GALNT13: variants seen among roughly 807,000 people sequenced by gnomAD.
The protein encoded by GALNT13 is polypeptide N-acetylgalactosaminyltransferase 13, also known as UDP-GalNAc:polypeptide N-acetylgalactosaminyltransferase 13.
In GALNT13, 28 loss-of-function variants were observed where a neutral mutation model predicts 64.2. The ratio of observed to expected loss-of-function variants is 0.44; its 90% CI spans 0.32 to 0.60. The LOEUF is 0.60. GALNT13 is among the 20% of genes least tolerant of loss of function. The pLI, the probability that GALNT13 is intolerant of heterozygous loss-of-function variation, is 0.05. For missense variants in GALNT13, 577 were observed against 669.8 expected (o/e 0.86, Z 1.53); for synonymous variants, 214 against 224.6 (o/e 0.95, Z 0.42).
At chr2:153,336,824 G>C in the GALNT13 span, among the ~76,000 whole-genome samples, 6,688 of 152,218 alleles carry the variant, frequency 0.044, 206 homozygotes, top group Middle Eastern at 0.071. Flanking sequence ...CCAAATCTCA[G>C]CTTGAATTGT....
intron 3 of GALNT13, among the ~76,000 whole-genome samples, chr2:154,112,229 A>G (rs1455747010): frequency 6.6e-6 from 1 of 152,178 alleles, no homozygotes. Context: ...CTCAGCAGTC[A>G]CTGTAGCTAG....
At chr2:154,064,706 G>A (rs561252671) in intron 3 of GALNT13, among the ~76,000 whole-genome samples, 1 of 152,176 alleles carries the variant, frequency 6.6e-6, no homozygotes, top group East Asian at 1.9e-4. Context: ...AAGAACCGTG[G>A]GACCCTGAAA....
At chr2:153,535,216 G>T in the GALNT13 span, among the ~76,000 whole-genome samples, 1 of 152,230 alleles carries the variant, frequency 6.6e-6, no homozygotes, top group Admixed American at 6.5e-5. Flanking sequence ...ATACGGTTTT[G>T]TATGAATTGA....
chr2:154,250,352 C>T (rs1690004764), intron 7 of GALNT13, among the ~76,000 whole-genome samples: 2 of 152,056 alleles, frequency 1.3e-5, no homozygotes, highest in Admixed American at 6.5e-5. Flanking sequence ...TTTGATATAT[C>T]ATCAATATTT....
the GALNT13 span, among the ~76,000 whole-genome samples, chr2:153,667,932 A>C: frequency 6.6e-6 from 1 of 152,168 alleles, no homozygotes; most frequent in African/African-American, 2.4e-5. Context: ...AGAAAAATCT[A>C]CCAAGAAAAA....
the GALNT13 span, among the ~76,000 whole-genome samples, chr2:153,169,432 G>T: frequency 6.6e-6 from 1 of 152,178 alleles, no homozygotes; most frequent in Non-Finnish European, 1.5e-5. Context: ...ATTGAAATAA[G>T]ATGAAGAATC....
chr2:153,920,556 GC>G (rs1689684492), intron 2 of GALNT13, among the ~76,000 whole-genome samples: 1 of 151,912 alleles, frequency 6.6e-6, no homozygotes, highest in African/African-American at 2.4e-5. Flanking sequence ...GAAATACCGT[GC>G]TGGACCTAGA....
chr2:154,441,810 T>G (rs1701311088), intron 12 of GALNT13: 1 of 152,140 alleles, frequency 6.6e-6, no homozygotes, highest in Non-Finnish European at 1.5e-5. Context: ...GTTTACTTCT[T>G]AGGTGAGTGG....
chr2:153,761,113 C>A, the GALNT13 span, among the ~76,000 whole-genome samples: 1 of 152,034 alleles, frequency 6.6e-6, no homozygotes, highest in African/African-American at 2.4e-5. Context: ...CTATGTGTGG[C>A]CTTAAATGTG....
chr2:154,244,304 C>G (rs12468334), intron 6 of GALNT13, among the ~76,000 whole-genome samples: 1 of 152,138 alleles, frequency 6.6e-6, no homozygotes, highest in Admixed American at 6.5e-5. Context: ...GACCTAATTT[C>G]TTCTCCTCAC....
At chr2:153,286,333 A>G in the GALNT13 span, among the ~76,000 whole-genome samples, 25 of 152,144 alleles carry the variant, frequency 1.6e-4, no homozygotes, top group African/African-American at 5.8e-4. Flanking sequence ...AAGTGAAAGT[A>G]TTATGACTAT....
At chr2:153,138,964 G>A in the GALNT13 span, among the ~76,000 whole-genome samples, 1 of 151,960 alleles carries the variant, frequency 6.6e-6, no homozygotes, top group East Asian at 1.9e-4. Flanking sequence ...GGAAATATTT[G>A]AGGATATGGA....
chr2:153,557,862 T>G, the GALNT13 span, among the ~76,000 whole-genome samples: 1 of 152,142 alleles, frequency 6.6e-6, no homozygotes, highest in Non-Finnish European at 1.5e-5. Flanking sequence ...TGCACCTTTA[T>G]TCCCACAGTC....
At chr2:154,010,483 G>T (rs1427905664) in intron 3 of GALNT13, among the ~76,000 whole-genome samples, 2 of 152,120 alleles carry the variant, frequency 1.3e-5, no homozygotes, top group Admixed American at 6.5e-5. Context: ...CTGTTATTTG[G>T]TTTGCTAGTA....
At chr2:153,595,560 G>A in the GALNT13 span, among the ~76,000 whole-genome samples, 5 of 151,662 alleles carry the variant, frequency 3.3e-5, no homozygotes, top group African/African-American at 1.2e-4. Flanking sequence ...ATTAAAATAA[G>A]AATGAATGGA....
chr2:153,540,513 C>T, the GALNT13 span, among the ~76,000 whole-genome samples: 1 of 152,160 alleles, frequency 6.6e-6, no homozygotes, highest in Admixed American at 6.5e-5. Context: ...AGGAGAGGGC[C>T]ACCATCCTCC....
At chr2:154,052,306 A>T (rs1229683206) in intron 3 of GALNT13, among the ~76,000 whole-genome samples, 1 of 152,184 alleles carries the variant, frequency 6.6e-6, no homozygotes, top group African/African-American at 2.4e-5. Context: ...TCCTGAGGTC[A>T]TCTTACATAA....
the GALNT13 span, among the ~76,000 whole-genome samples, chr2:153,380,368 G>A: frequency 6.6e-6 from 1 of 152,062 alleles, no homozygotes; most frequent in Non-Finnish European, 1.5e-5. Flanking sequence ...CACTGTTCAG[G>A]AGGTTGAGGC....
At position 154,212,961 on chromosome 2, in the gene GALNT13, C is replaced by T. The variant is rs1034701189; in HGVS notation, c.312-29069C>T. The stretch of plus-strand genomic sequence containing the variant: ...GCCTTAAAATATACAGAAAATGTAA[C>T]ATTCATTTGGGATGTGGAAATCAAA... On this transcript the variant is annotated intron_variant, in intron 4 of 12. Transcript: ENST00000392825. 5.3e-5 allele frequency among the ~76,000 whole-genome samples: 8 copies of T among 151,736 alleles called. No individual in the cohort carries two copies. The South Asian group carries it at 1.0e-3, about 20-fold the overall frequency.
Sources: allele counts gnomAD v4.1 joint callset (sites outside exome capture counted in the v4.1 genomes callset), GRCh38; gene constraint gnomAD v4.1.1; transcripts MANE v1.5; gene names NCBI Gene and HGNC (gene_info 2026-07-23, HGNC 2026-07-21).